The following SNAP91 variants were observed in gnomAD, a reference collection of about 807,000 sequenced individuals.
SNAP91 encodes synaptosome associated protein 91, also known as clathrin coat assembly protein AP180.
Under a neutral mutation model 100.3 loss-of-function variants are expected in SNAP91, and 27 were observed. The observed-to-expected ratio is 0.27, with a 90% CI of 0.20 to 0.37. The LOEUF (loss-of-function observed/expected upper bound fraction) is 0.37. SNAP91 is among the 10% of genes least tolerant of loss of function. The probability of loss-of-function intolerance (pLI) is 1.00; values close to 1 mark genes in which losing one functional copy is unlikely to be tolerated. For missense variants in SNAP91, 986 were observed against 1,123.7 expected (o/e 0.88, Z 1.75); for synonymous variants, 404 against 398.6 (o/e 1.01, Z -0.16).
intron 23 of SNAP91, among the ~76,000 whole-genome samples, chr6:83,581,011 TATA>T (rs1183825756): frequency 6.6e-6 from 1 of 152,254 alleles, no homozygotes; most frequent in Non-Finnish European, 1.5e-5. Flanking sequence ...ATGGGTTTAT[TATA>T]ATGCTTGCTT....
intron 9 of SNAP91, among the ~76,000 whole-genome samples, chr6:83,622,018 G>C (rs1218685783): frequency 1.3e-5 from 2 of 151,982 alleles, no homozygotes; most frequent in Non-Finnish European, 2.9e-5. Flanking sequence ...GTGTTACAAA[G>C]ATAAATCTAT....
intron 13 of SNAP91, among the ~76,000 whole-genome samples, chr6:83,606,599 G>A (rs191041160): frequency 6.6e-6 from 1 of 152,292 alleles, no homozygotes; most frequent in African/African-American, 2.4e-5. Context: ...TCAGATTTGA[G>A]GAGCACTGGC....
intron 2 of SNAP91, among the ~76,000 whole-genome samples, chr6:83,683,416 C>T (rs1308710385): frequency 3.9e-5 from 6 of 152,096 alleles, no homozygotes; most frequent in Admixed American, 6.6e-5. Flanking sequence ...GCTGTCCTCA[C>T]GGTAATGAGT....
intron 24 of SNAP91, among the ~76,000 whole-genome samples, chr6:83,578,420 G>A (rs1584908097): frequency 6.6e-6 from 1 of 152,100 alleles, no homozygotes; most frequent in Admixed American, 6.5e-5. Context: ...TGGGTATAAA[G>A]TGATATCTTA....
chr6:83,570,219 T>C (rs571630165), intron 26 of SNAP91, among the ~76,000 whole-genome samples: 3 of 152,194 alleles, frequency 2.0e-5, no homozygotes, highest in African/African-American at 7.2e-5. Context: ...GCCCCAGAGA[T>C]TTGTGGAACT....
At chr6:83,576,964 C>T (rs1170318276) in intron 24 of SNAP91, among the ~76,000 whole-genome samples, 2 of 152,060 alleles carry the variant, frequency 1.3e-5, no homozygotes, top group Non-Finnish European at 2.9e-5. Flanking sequence ...ACTTGCATTC[C>T]GATGGTGTCA....
intron 2 of SNAP91, among the ~76,000 whole-genome samples, chr6:83,668,926 G>A (rs1333250664): frequency 6.6e-6 from 1 of 151,968 alleles, no homozygotes; most frequent in Non-Finnish European, 1.5e-5. Context: ...AGTTGAAAAT[G>A]CACTTAACAC....
At position 83,592,465 on chromosome 6, in the gene SNAP91, G is replaced by T; in HGVS notation, c.1920C>A (p.Asp640Glu). 6.2e-7 allele frequency: 1 copy of T among 1,611,654 alleles called. No individual in the cohort carries two copies. The highest frequency in any genetic ancestry group is 8.5e-7 in the Non-Finnish European group (1 of 1,178,720). Residue 640 changes from aspartate to glutamate, a missense_variant, in exon 21 of 30, where the codon GAC becomes GAA. Around this residue, in one of 4 missense-constraint regions of SNAP91, gnomAD observed 575 missense variants for 579.9 expected, o/e 0.99. Transcript: ENST00000369694. ...AGGAGAAATACGCACCCCCAAAAAGGTCTATGACACCTGAAGAATCCACCT... is the reference window on the plus strand; with the variant it reads ...AGGAGAAATACGCACCCCCAAAAAGTTCTATGACACCTGAAGAATCCACCT... ...PAKVDSSGVI[D>E]LFGDAFGSSA...
chr6:83,698,038 T>G (rs186193045), intron 2 of SNAP91, among the ~76,000 whole-genome samples: 1 of 152,142 alleles, frequency 6.6e-6, no homozygotes, highest in Non-Finnish European at 1.5e-5. Context: ...ACTAGAGTTT[T>G]AGAAATTAGA....
chr6:83,684,768 T>C (rs73751577), intron 2 of SNAP91, among the ~76,000 whole-genome samples: 6,526 of 152,230 alleles, frequency 0.043, 460 homozygotes, highest in African/African-American at 0.15. Flanking sequence ...TGGAGCTCTG[T>C]TATTTTTTAA....
Position 83,665,622 on chromosome 6 carries a change from A to T in SNAP91, c.131-41T>A, listed in dbSNP as rs369222159. 13 of 1,572,200 alleles carry T rather than the reference A, an allele frequency of 8.3e-6. No individual in the cohort carries two copies. In the African/African-American group the frequency reaches 1.8e-4, roughly 21 times the overall value. ...ATATTAATCAATGATATTAACAATT[A>T]CATGCAAAAATTCATTTCAAACTTG... is the stretch of plus-strand genomic sequence containing the variant. On this transcript the variant is annotated intron_variant, in intron 2 of 29. Coordinates refer to ENST00000369694, the MANE Select transcript of SNAP91 (RefSeq NM_001242792.2).
At chr6:83,651,764 T>C (rs2098217818) in intron 7 of SNAP91, among the ~76,000 whole-genome samples, 1 of 152,182 alleles carries the variant, frequency 6.6e-6, no homozygotes, top group African/African-American at 2.4e-5. Flanking sequence ...TATATCTAGT[T>C]GATGGTGTTG....
At chr6:83,588,227 A>G (rs2093121423) in intron 22 of SNAP91, among the ~76,000 whole-genome samples, 1 of 152,216 alleles carries the variant, frequency 6.6e-6, no homozygotes, top group African/African-American at 2.4e-5. Context: ...CTGTTTTGAA[A>G]GCAAATGAGA....
rs549234892 is a variant in SNAP91, at chr6:83,680,754, C to T, written c.131-15173G>A. On this transcript the variant is annotated intron_variant, in intron 2 of 29. Transcript: ENST00000369694. Reference sequence around the variant, plus strand: ...GTGTATTGAGGATGTTTAGCAGCATCCCTAACCACCACCCACAAGATGCCA... The same window carrying T: ...GTGTATTGAGGATGTTTAGCAGCATTCCTAACCACCACCCACAAGATGCCA... 2.6e-5 allele frequency among the ~76,000 whole-genome samples: 4 copies of T among 152,192 alleles called. No homozygotes were observed. The East Asian group carries it at 7.7e-4, about 29-fold the overall frequency.
At chr6:83,640,945 A>T (rs13192201) in intron 8 of SNAP91, 151 bp downstream of exon 8, 113,026 of 449,478 alleles carry the variant, frequency 0.25, 16,112 homozygotes, top group East Asian at 0.43. Flanking sequence ...CACGACTTCC[A>T]AAGTCACTTC....
At chr6:83,670,263 T>G (rs988837478) in intron 2 of SNAP91, among the ~76,000 whole-genome samples, 6 of 151,174 alleles carry the variant, frequency 4.0e-5, no homozygotes, top group Non-Finnish European at 8.9e-5. Context: ...TTTTTTCTAT[T>G]ATAACAGGTA....
At chr6:83,621,389 A>G (rs973245214) in intron 9 of SNAP91, among the ~76,000 whole-genome samples, 1 of 152,184 alleles carries the variant, frequency 6.6e-6, no homozygotes, top group South Asian at 2.1e-4. Context: ...AGGTCATAAC[A>G]AAAGAAGAGA....
At position 83,580,584 on chromosome 6, in the gene SNAP91, C is replaced by T; in HGVS notation, c.2165G>A (p.Gly722Asp). 6.2e-7 allele frequency: 1 copy of T among 1,609,362 alleles called. No homozygotes were observed. The highest frequency in any genetic ancestry group is 2.2e-5 in the East Asian group (1 of 44,822). The change falls in exon 24 of 30, where the codon GGT becomes GAT. Residue 722 changes from glycine (G) to aspartate (D), a missense_variant. Coordinates refer to ENST00000369694, the MANE Select transcript of SNAP91 (RefSeq NM_001242792.2). The part of the protein sequence containing the change: ...SFDPSVFDGL[G>D]DLLMPTMAPA... Reference sequence around the variant, plus strand: ...TGCCATGGTTGGCATCAAAAGATCACCTAGACCATCAAACACTGGAAATCA... The same window carrying T: ...TGCCATGGTTGGCATCAAAAGATCATCTAGACCATCAAACACTGGAAATCA...
intron 8 of SNAP91, among the ~76,000 whole-genome samples, chr6:83,630,514 T>C (rs1374845757): frequency 6.6e-6 from 1 of 152,066 alleles, no homozygotes; most frequent in Non-Finnish European, 1.5e-5. Context: ...AAATTACCAT[T>C]TCAATCTCAC....
Sources: allele counts gnomAD v4.1 joint callset (sites outside exome capture counted in the v4.1 genomes callset), GRCh38; gene constraint gnomAD v4.1.1; regional missense constraint gnomAD v4.1.1; transcripts MANE v1.5; gene names NCBI Gene and HGNC (gene_info 2026-07-23, HGNC 2026-07-21).